ZNF432: variants seen among roughly 807,000 people sequenced by gnomAD.
ZNF432 encodes zinc finger protein 432.
ZNF432 carries 10 observed loss-of-function variants against 13.9 expected under a neutral mutation model. The ratio of observed to expected loss-of-function variants is 0.72; its 90% confidence interval spans 0.44 to 1.22. ZNF432 has a LOEUF of 1.22. ZNF432 is among the 50% of genes most tolerant of loss of function. ZNF432 has a pLI of 0.00. For missense variants in ZNF432, 793 were observed against 796.2 expected (o/e 1.00, Z 0.05); for synonymous variants, 247 against 256.2 (o/e 0.96, Z 0.34).
At chr19:52,048,641 G>C (rs549075059) in intron 1 of ZNF432, 54 bp downstream of exon 1, 1 of 131,574 alleles carries the variant, frequency 7.6e-6, no homozygotes, top group Non-Finnish European at 1.6e-5. Context: ...CAACGCAGAC[G>C]CCCTCAGAAA....
At chr19:52,039,728 C>T (rs949147365) in intron 4 of ZNF432, among the ~76,000 whole-genome samples, 1 of 150,644 alleles carries the variant, frequency 6.6e-6, no homozygotes, top group African/African-American at 2.4e-5. Context: ...ACTTGGGAGC[C>T]TGAGGCAGGA....
rs1171847126 is a variant in ZNF432, at chr19:52,033,898, T to C, written c.1781A>G (p.Glu594Gly). ...ACATTCATTACATCCATAAGGTTTT[T>C]CTCCAGTATGAACTTGCTTATGTAA... The part of the protein sequence containing the change: ...LALHKQVHTG[E>G]KPYGCNECGK... The change falls in exon 5 of 5, where the codon GAA becomes GGA. Residue 594 changes from glutamate to glycine, a missense_variant. Coordinates refer to ENST00000221315, the MANE Select transcript of ZNF432 (RefSeq NM_014650.4). 1.2e-6 allele frequency: 2 copies of C among 1,614,086 alleles called. No homozygotes were observed. Among genetic ancestry groups the C allele is most frequent in the Admixed American group, 1.7e-5 (1 of 60,016 alleles).
intron 4 of ZNF432, among the ~76,000 whole-genome samples, chr19:52,039,421 T>G (rs576400615): frequency 6.6e-6 from 1 of 152,142 alleles, no homozygotes; most frequent in Admixed American, 6.5e-5. Flanking sequence ...CACTGATACA[T>G]GCTAAAGAAT....
intron 4 of ZNF432, among the ~76,000 whole-genome samples, chr19:52,039,756 GA>G (rs1363422290): frequency 6.8e-6 from 1 of 147,350 alleles, no homozygotes; most frequent in African/African-American, 2.5e-5. Context: ...TTGAACCCGG[GA>G]GGTGGAGGTT....
intron 2 of ZNF432, among the ~76,000 whole-genome samples, chr19:52,045,449 C>T (rs918850510): frequency 5.3e-5 from 8 of 150,210 alleles, no homozygotes; most frequent in Non-Finnish European, 1.0e-4. Flanking sequence ...CTCCACCTCC[C>T]GGATTCAAGC....
At chr19:52,045,360 T>TG (rs1301128271) in intron 2 of ZNF432, among the ~76,000 whole-genome samples, 10 of 137,760 alleles carry the variant, frequency 7.3e-5, no homozygotes, top group African/African-American at 2.9e-4. Context: ...ACCTTTTTTT[T>TG]TTTTTTTTTT....
At chr19:52,042,226 G>A (rs1443837619) in intron 2 of ZNF432, among the ~76,000 whole-genome samples, 1 of 152,134 alleles carries the variant, frequency 6.6e-6, no homozygotes, top group Non-Finnish European at 1.5e-5. Context: ...ACACTGAAGA[G>A]ATAATTAGTG....
chr19:52,034,402 T>G lies in ZNF432; in HGVS notation c.1277A>C (p.Glu426Ala). The G allele has an allele frequency of 6.2e-7, 1 of 1,614,042 alleles. No homozygotes were observed. The highest frequency in any genetic ancestry group is 8.5e-7 in the Non-Finnish European group (1 of 1,179,992). The change falls in exon 5 of 5, where the codon GAG becomes GCG. Residue 426 changes from glutamate (E) to alanine (A), a missense_variant. Physicochemically the swap from Glu to Ala is moderately radical, Grantham distance 107 (BLOSUM62 -1). Coordinates refer to ENST00000221315, the MANE Select transcript of ZNF432 (RefSeq NM_014650.4). The stretch of plus-strand genomic sequence containing the variant: ...ACATTCACTACATAGATATGACTTC[T>G]CTACTGTATGATTTCTCTGATGTAC... ...LIVHQRNHTV[E>A]KSYLCSECGK...
At chr19:52,035,693 T>C (rs2087074719) in intron 4 of ZNF432, among the ~76,000 whole-genome samples, 1 of 152,080 alleles carries the variant, frequency 6.6e-6, no homozygotes, top group Non-Finnish European at 1.5e-5. Flanking sequence ...CCATCATGCC[T>C]AGCTAATTTT....
intron 2 of ZNF432, among the ~76,000 whole-genome samples, chr19:52,043,673 G>A (rs574354820): frequency 1.3e-5 from 2 of 152,238 alleles, no homozygotes; most frequent in East Asian, 3.9e-4. Context: ...TATAAAACCC[G>A]ATTGTATGCT....
Position 52,035,012 on chromosome 19 carries a change from G to A in ZNF432, c.667C>T (p.His223Tyr). The A allele has an allele frequency of 6.2e-7, 1 of 1,614,088 alleles. No individual in the cohort carries two copies. Among genetic ancestry groups the A allele is most frequent in the Non-Finnish European group, 8.5e-7 (1 of 1,179,996 alleles). The part of the protein sequence containing the change: ...AFVKKSQLTD[H>Y]ERVHTGEKPY... ...TTTTCTCCTGTATGAACTCTCTCAT[G>A]ATCAGTGAGCTGAGACTTCTTGACA... The change falls in exon 5 of 5, where the codon CAT becomes TAT. Residue 223 changes from histidine to tyrosine, a missense_variant. His to Tyr is a moderately conservative substitution (Grantham distance 83). Coordinates refer to ENST00000221315, the MANE Select transcript of ZNF432 (RefSeq NM_014650.4).
rs1424293155 is a variant in ZNF432 at position 52,033,486 on chromosome 19, A to C, written c.*234T>G. 2.3e-5 allele frequency: 11 copies of C among 473,196 alleles called. No individual in the cohort carries two copies. The highest frequency in any genetic ancestry group is 7.8e-5 in the Admixed American group (2 of 25,616). The allele number at this position is 473,196 out of a possible 1,614,324, so 29.3% of individuals were successfully genotyped here. On this transcript the variant is annotated 3_prime_UTR_variant, in exon 5 of 5. Transcript: ENST00000221315. ...AAATGAAAGGTTACCCCCAATCCAC[A>C]GACTCTCTCTCAGATGAGTAATTTT...
Position 52,033,399 on chromosome 19 carries a change from A to C in ZNF432, c.*321T>G. Reference sequence around the variant, plus strand: ...TGTAATCAGTTCAGATTCTCTGCAAAAGGACTATGTACCTTACACATTTGT... The same window carrying C: ...TGTAATCAGTTCAGATTCTCTGCAACAGGACTATGTACCTTACACATTTGT... On this transcript the variant is annotated 3_prime_UTR_variant, in exon 5 of 5. Coordinates refer to ENST00000221315, the MANE Select transcript of ZNF432 (RefSeq NM_014650.4). 1 of 264,080 alleles carries C rather than the reference A, an allele frequency of 3.8e-6. No homozygotes were observed. Among genetic ancestry groups the C allele is most frequent in the East Asian group, 8.0e-5 (1 of 12,480 alleles). 16.4% of individuals were successfully genotyped at this position (264,080 alleles called of 1,614,324 possible).
intron 4 of ZNF432, among the ~76,000 whole-genome samples, chr19:52,038,198 CA>C (rs1220699144): frequency 1.3e-5 from 2 of 152,366 alleles, no homozygotes; most frequent in African/African-American, 4.8e-5. Flanking sequence ...ATTTCTCCAA[CA>C]AGCAGCTTCT....
At chr19:52,043,867 C>A (rs991686158) in intron 2 of ZNF432, among the ~76,000 whole-genome samples, 2 of 152,176 alleles carry the variant, frequency 1.3e-5, no homozygotes, top group Non-Finnish European at 2.9e-5. Context: ...ACCCTCTCCC[C>A]ACTATTGTCT....
chr19:52,041,899 A>C (rs1160262208), intron 2 of ZNF432, among the ~76,000 whole-genome samples: 1 of 152,198 alleles, frequency 6.6e-6, no homozygotes, highest in Non-Finnish European at 1.5e-5. Flanking sequence ...TATGCTACTG[A>C]CATCTAGATA....
intron 2 of ZNF432, among the ~76,000 whole-genome samples, chr19:52,041,948 A>G (rs1047353275): frequency 6.6e-6 from 1 of 152,204 alleles, no homozygotes; most frequent in East Asian, 1.9e-4. Flanking sequence ...AAGCCTTCCC[A>G]GCTAATACTA....
At chr19:52,037,333 T>A (rs1352584667) in intron 4 of ZNF432, among the ~76,000 whole-genome samples, 1 of 152,184 alleles carries the variant, frequency 6.6e-6, no homozygotes, top group Non-Finnish European at 1.5e-5. Flanking sequence ...ACCCTTTGGT[T>A]TAGCTGTGTT....
chr19:52,048,437 C>G (rs1019434250), intron 1 of ZNF432: 3 of 152,332 alleles, frequency 2.0e-5, no homozygotes, highest in Non-Finnish European at 4.4e-5. Context: ...GGACCACAAT[C>G]CCTGACCTCA....
Sources: allele counts gnomAD v4.1 joint callset (sites outside exome capture counted in the v4.1 genomes callset), GRCh38; gene constraint gnomAD v4.1.1; transcripts MANE v1.5; gene names NCBI Gene and HGNC (gene_info 2026-07-23, HGNC 2026-07-21).